Variants in GPHN observed in about 807,000 individuals in gnomAD.
The protein encoded by GPHN is gephyrin.
A neutral mutation model predicts 95.5 loss-of-function variants in GPHN; 17 were observed. The ratio of observed to expected loss-of-function variants is 0.18; its 90% CI spans 0.12 to 0.27. The LOEUF (loss-of-function observed/expected upper bound fraction) is 0.27, where lower values mean the gene tolerates loss of function less well. GPHN is among the 10% of genes least tolerant of loss of function. GPHN has a pLI of 1.00. For missense variants in GPHN, 660 were observed against 978.1 expected, an observed-to-expected ratio of 0.67 and a Z score of 4.34; for synonymous variants, 320 against 322.5, an observed-to-expected ratio of 0.99 and a Z score of 0.08.
At chr14:66,549,202 A>G (rs963204339) in intron 1 of GPHN, among the ~76,000 whole-genome samples, 4 of 152,262 alleles carry the variant, frequency 2.6e-5, no homozygotes, top group Non-Finnish European at 4.4e-5. Flanking sequence ...ACATGTACAG[A>G]TTCATTATAT....
the GPHN span, among the ~76,000 whole-genome samples, chr14:67,202,351 G>A: frequency 1.3e-5 from 2 of 152,120 alleles, no homozygotes; most frequent in Non-Finnish European, 1.5e-5. Context: ...TGAGACAGGA[G>A]AATCATTTGA....
intron 1 of GPHN, among the ~76,000 whole-genome samples, chr14:66,626,445 A>T (rs2063531495): frequency 6.6e-6 from 1 of 152,106 alleles, no homozygotes; most frequent in South Asian, 2.1e-4. Flanking sequence ...ATTTTCACCG[A>T]AGGATGAAGA....
intron 4 of GPHN, among the ~76,000 whole-genome samples, chr14:66,830,745 A>G (rs1389654498): frequency 1.3e-5 from 2 of 152,112 alleles, no homozygotes; most frequent in African/African-American, 4.8e-5. Flanking sequence ...GAATTTTAGA[A>G]GGTATATTCT....
chr14:67,001,296 T>C lies in GPHN; in HGVS notation c.964-22337T>C, dbSNP rs532894699. Among the ~76,000 whole-genome samples, 3 of 151,752 alleles carry C rather than the reference T, an allele frequency of 2.0e-5. No individual in the cohort carries two copies. The East Asian group carries it at 5.8e-4, about 29-fold the overall frequency. ...TTTCTTTCCTATGTTCTAGAGAATT[T>C]ACAAATGAAATAGATTAATTAGACA... On this transcript the variant is annotated intron_variant, in intron 9 of 22. Coordinates refer to ENST00000478722, the MANE Select transcript of GPHN (RefSeq NM_020806.5).
the GPHN span, among the ~76,000 whole-genome samples, chr14:67,668,474 T>C: frequency 6.6e-6 from 1 of 152,240 alleles, no homozygotes; most frequent in Non-Finnish European, 1.5e-5. Context: ...AATACAGTTT[T>C]TGTTGTTTTA....
the GPHN span, chr14:67,208,508 TA>T: frequency 2.6e-6 from 4 of 1,540,680 alleles, no homozygotes; most frequent in African/African-American, 5.5e-5. Context: ...AATAAAGAAA[TA>T]TGTGCTTTAG....
At chr14:67,047,366 G>GT (rs1196897917) in intron 10 of GPHN, among the ~76,000 whole-genome samples, 2,882 of 108,740 alleles carry the variant, frequency 0.027, 95 homozygotes, top group African/African-American at 0.042. Context: ...GTGTGTGTTT[G>GT]TTTTTTTTTT....
chr14:67,642,793 CTTTTTTTTTTTT>C, the GPHN span, among the ~76,000 whole-genome samples: 1 of 75,556 alleles, frequency 1.3e-5, no homozygotes, highest in East Asian at 4.8e-4. Flanking sequence ...ACTACATTTT[CTTTTTTTTTTTT>C]TTTTTTTTTT....
the GPHN span, among the ~76,000 whole-genome samples, chr14:67,670,661 T>C: frequency 6.6e-6 from 1 of 152,200 alleles, no homozygotes; most frequent in Middle Eastern, 3.4e-3. Context: ...CCTGAGTAGC[T>C]GGGACTACAG....
chr14:66,796,304 T>G (rs555235600), intron 3 of GPHN, among the ~76,000 whole-genome samples: 8 of 152,244 alleles, frequency 5.3e-5, no homozygotes, highest in Admixed American at 4.6e-4. Flanking sequence ...CAAATATCTA[T>G]TCAATATATT....
intron 4 of GPHN, among the ~76,000 whole-genome samples, chr14:66,865,210 A>G (rs548064673): frequency 6.6e-6 from 1 of 152,192 alleles, no homozygotes; most frequent in African/African-American, 2.4e-5. Flanking sequence ...ACTGTAGTCA[A>G]TAATAATTTA....
the GPHN span, among the ~76,000 whole-genome samples, chr14:67,496,797 TCTTG>T: frequency 4.9e-5 from 7 of 142,756 alleles, no homozygotes; most frequent in Middle Eastern, 3.5e-3. Context: ...TGTCTTTCTT[TCTTG>T]CTTGCTTGCT....
At chr14:66,929,136 A>G (rs2066646212) in intron 8 of GPHN, among the ~76,000 whole-genome samples, 1 of 150,054 alleles carries the variant, frequency 6.7e-6, no homozygotes, top group Non-Finnish European at 1.5e-5. Flanking sequence ...GCTCACTGCA[A>G]CCTCTACCTC....
chr14:67,691,463 G>A, the GPHN span: 1 of 488,274 alleles, frequency 2.0e-6, no homozygotes, highest in Non-Finnish European at 3.7e-6. Context: ...ACTACCAAAT[G>A]ACCTTCCAGA....
intron 12 of GPHN, among the ~76,000 whole-genome samples, chr14:67,095,051 A>G (rs2077297300): frequency 6.6e-6 from 1 of 152,188 alleles, no homozygotes; most frequent in Admixed American, 6.5e-5. Flanking sequence ...CTAACAATGC[A>G]TTTCTCAGAA....
chr14:66,794,892 T>C (rs2060102341), intron 3 of GPHN, among the ~76,000 whole-genome samples: 1 of 152,218 alleles, frequency 6.6e-6, no homozygotes, highest in African/African-American at 2.4e-5. Flanking sequence ...TACAAAAATA[T>C]CTAACCACTT....
intron 1 of GPHN, among the ~76,000 whole-genome samples, chr14:66,655,053 A>G (rs1009593884): frequency 5.9e-5 from 9 of 152,184 alleles, no homozygotes; most frequent in Non-Finnish European, 1.2e-4. Context: ...GAGAAGACTG[A>G]TACCTCACAC....
chr14:66,655,819 T>C (rs1257118476), intron 1 of GPHN, among the ~76,000 whole-genome samples: 1 of 152,118 alleles, frequency 6.6e-6, no homozygotes, highest in African/African-American at 2.4e-5. Flanking sequence ...ATTGGTTGAA[T>C]TTTGTGAAAT....
At chr14:67,034,103 GACA>G (rs1434262474) in intron 10 of GPHN, among the ~76,000 whole-genome samples, 1 of 152,090 alleles carries the variant, frequency 6.6e-6, no homozygotes, top group Non-Finnish European at 1.5e-5. Flanking sequence ...AAGGACTCTA[GACA>G]ACAACATGAA....
Sources: allele counts gnomAD v4.1 joint callset (sites outside exome capture counted in the v4.1 genomes callset), GRCh38; gene constraint gnomAD v4.1.1; transcripts MANE v1.5; gene names NCBI Gene and HGNC (gene_info 2026-07-23, HGNC 2026-07-21).